Variants in FAAP100 observed in about 807,000 individuals in gnomAD.
FAAP100 encodes the protein Fanconi anemia core complex-associated protein 100.
A neutral mutation model predicts 65.8 loss-of-function variants in FAAP100; 46 were observed. That is an observed-to-expected ratio of 0.70 (90% CI 0.55 to 0.89). The LOEUF (loss-of-function observed/expected upper bound fraction) is 0.89, where lower values mean the gene tolerates loss of function less well. Among genes scored for constraint, FAAP100 ranks in the 40% least tolerant of loss-of-function variants. The pLI is 0.00. For synonymous variants in FAAP100, 663 were observed against 555.1 expected, an observed-to-expected ratio of 1.19 and a Z score of -2.73; for missense variants, 1,165 against 1,196.7, an observed-to-expected ratio of 0.97 and a Z score of 0.39.
At position 81,540,782 on chromosome 17, in the gene FAAP100, G is replaced by T. The variant is rs931282100; in HGVS notation, c.*37C>A. 4.7e-6 allele frequency: 7 copies of T among 1,479,978 alleles called. No individual in the cohort carries two copies. In the Admixed American group the frequency reaches 1.5e-4, roughly 33 times the overall value. The allele number at this position is 1,479,978 out of a possible 1,614,324, so 91.7% of individuals were successfully genotyped here. On this transcript the variant is annotated 3_prime_UTR_variant, in exon 9 of 9. Coordinates refer to ENST00000327787, the MANE Select transcript of FAAP100 (RefSeq NM_025161.6). The stretch of plus-strand genomic sequence containing the variant: ...GCCTGGGGGGGCTGTGACAGAGGCT[G>T]GAAGCGTGGCCAGAGCCCAGGGGCA...
rs773212986 is a variant in FAAP100, at chr17:81,550,825, G to A, written c.669C>T (p.Ala223=). ...GGSGGFTLED[A]LFGLLFGADA... ...CAGCTCCAAAGAGGAGCCCGAAGAG[G>A]GCGTCCTCCAGCGTGAAGCCCCCGG... Residue 223 remains alanine (A), a synonymous_variant, in exon 3 of 9, where the codon GCC becomes GCT. Coordinates refer to ENST00000327787, the MANE Select transcript of FAAP100 (RefSeq NM_025161.6). 2 of 1,612,350 alleles carry A rather than the reference G, an allele frequency of 1.2e-6. No homozygotes were observed. Among genetic ancestry groups the A allele is most frequent in the Non-Finnish European group, 1.7e-6 (2 of 1,179,744 alleles).
chr17:81,550,444 A>C lies in FAAP100; in HGVS notation c.1050T>G (p.Ala350=). The change falls in exon 3 of 9, where the codon GCT becomes GCG. Residue 350 remains alanine, a synonymous_variant. Transcript: ENST00000327787. ...ACACGCGGCCACCCCCGCCACAGGC[A>C]GCGCAGAGCACAGGGCCTGGGAGGC... ...EYCLPGPVLC[A]ACGGGGRVYH... The C allele has an allele frequency of 6.2e-7, 1 of 1,612,634 alleles. No individual in the cohort carries two copies.
Position 81,540,909 on chromosome 17 carries a change from G to T in FAAP100, c.2556C>A (p.Cys852Ter). Reference protein sequence around the residue: ...REVQTLRDRLCTEDEASSCAT... With the variant: ...REVQTLRDRL ...CACAGGAGCTGGCCTCATCCTCCGT[G>T]CAGAGCCGGTCGCGCAGGGTCTGCA... Residue 852 changes from cysteine (C) to a stop codon, truncating the protein, a stop_gained, in exon 9 of 9, where the codon TGC becomes TGA. Transcript: ENST00000327787. LOFTEE classifies it high-confidence loss of function. 2 of 1,591,468 alleles carry T rather than the reference G, an allele frequency of 1.3e-6. No homozygotes were observed. Among genetic ancestry groups the T allele is most frequent in the East Asian group, 2.3e-5 (1 of 44,224 alleles).
At position 81,552,059 on chromosome 17, in the gene FAAP100, A is replaced by G. The variant is rs1377500597; in HGVS notation, c.166-7T>C. 9.9e-6 allele frequency: 15 copies of G among 1,507,782 alleles called. 1 individual carries two copies. The South Asian group carries it at 1.9e-4, about 19-fold the overall frequency. 93.4% of individuals were successfully genotyped at this position (1,507,782 alleles called of 1,614,324 possible). ...CGGGGAACCGGAACGCCGCCTGCGG[A>G]CCGGGGCGCGGGTCAGGCCGACGCG... On this transcript the variant is annotated splice_region_variant and splice_polypyrimidine_tract_variant and intron_variant, in intron 1 of 8. Transcript: ENST00000327787.
intron 3 of FAAP100, 22 bp from the exon 4 acceptor site, chr17:81,549,384 G>A: frequency 6.3e-7 from 1 of 1,589,734 alleles, no homozygotes; most frequent in Non-Finnish European, 8.6e-7. Context: ...CACACATGGG[G>A]CCTGGTCAGC....
At chr17:81,541,454 CTTGG>C in intron 7 of FAAP100, 59 bp from the exon 8 acceptor site, 4 of 1,466,650 alleles carry the variant, frequency 2.7e-6, no homozygotes, top group African/African-American at 1.4e-5. Flanking sequence ...CCCCACACCC[CTTGG>C]AGCAGGGTGA....
Position 81,540,724 on chromosome 17 carries a change from C to A in FAAP100, c.*95G>T, listed in dbSNP as rs2033059056. 1.4e-6 allele frequency: 2 copies of A among 1,394,632 alleles called. No individual in the cohort carries two copies. Among genetic ancestry groups the A allele is most frequent in the Admixed American group, 3.0e-5 (1 of 32,810 alleles). The allele number at this position is 1,394,632 out of a possible 1,614,324, so 86.4% of individuals were successfully genotyped here. A position where few individuals can be genotyped will look rare whatever the true frequency, so the allele number is the denominator to read the frequency against. ...GTCCTACCTTCCCTGACGGCTCTGGCCAGGCCAGCTCGGTTTCCCTCTAAC... is the reference window on the plus strand; with the variant it reads ...GTCCTACCTTCCCTGACGGCTCTGGACAGGCCAGCTCGGTTTCCCTCTAAC... On this transcript the variant is annotated 3_prime_UTR_variant, in exon 9 of 9. Transcript: ENST00000327787.
rs780652871 is a variant in FAAP100 at position 81,545,794 on chromosome 17, G to A, written c.2262C>T (p.Ile754=). Residue 754 remains isoleucine (I), a synonymous_variant, in exon 6 of 9, where the codon ATC becomes ATT. Coordinates refer to ENST00000327787, the MANE Select transcript of FAAP100 (RefSeq NM_025161.6). Reference sequence around the variant, plus strand: ...TGGCGCCATCAGGGGCCACTCCCTGGATGGAAGATAGTGCTCGGGCCCTCA... The same window carrying A: ...TGGCGCCATCAGGGGCCACTCCCTGAATGGAAGATAGTGCTCGGGCCCTCA... ...DVVRARALSS[I]QGVAPDGANV... is the part of the protein sequence containing the mutation. 6 of 1,612,288 alleles carry A rather than the reference G, an allele frequency of 3.7e-6. No homozygotes were observed. The highest frequency in any genetic ancestry group is 1.3e-5 in the African/African-American group (1 of 74,920).
At chr17:81,545,084 C>G (rs1221065599) in intron 6 of FAAP100, among the ~76,000 whole-genome samples, 1 of 152,200 alleles carries the variant, frequency 6.6e-6, no homozygotes, top group East Asian at 1.9e-4. Flanking sequence ...GCAGGAGAAT[C>G]GCTTGAACCC....
chr17:81,547,371 G>C lies in FAAP100; in HGVS notation c.1711C>G (p.Gln571Glu). ...SAITYTIPVD[Q>E]LGPGARREVT... ...TCCCGCCGAGCACCGGGGCCGAGCT[G>C]GTCCACGGGGATGGTGTAGGTGATG... Residue 571 changes from glutamine to glutamate, a missense_variant, in exon 5 of 9, where the codon CAG becomes GAG. Physicochemically the swap from Gln to Glu is conservative, Grantham distance 29. Transcript: ENST00000327787. The C allele has an allele frequency of 6.2e-7, 1 of 1,612,892 alleles. No individual in the cohort carries two copies. The highest frequency in any genetic ancestry group is 8.5e-7 in the Non-Finnish European group (1 of 1,179,992).
intron 8 of FAAP100, 109 bp from the exon 9 acceptor site, chr17:81,541,059 T>C: frequency 7.3e-7 from 1 of 1,374,394 alleles, no homozygotes; most frequent in Non-Finnish European, 9.7e-7. Context: ...AAGTGGCAGG[T>C]GGTCCGAGGA....
In FAAP100 at chr17:81,547,769, TG is replaced by T. The variant is rs1568096661; in HGVS notation, c.1404-92del. ...ACTCAGGCCTGGTAGGCACCGAGCC[TG>T]GCTCCACGACAAGCACACGGTGGGT... On this transcript the variant is annotated intron_variant, in intron 4 of 8. Coordinates refer to ENST00000327787, the MANE Select transcript of FAAP100 (RefSeq NM_025161.6). The T allele has an allele frequency of 4.1e-6, 6 of 1,460,644 alleles. 1 individual carries two copies. The Admixed American group carries it at 1.0e-4, about 25-fold the overall frequency. 90.5% of individuals were successfully genotyped at this position (1,460,644 alleles called of 1,614,324 possible).
chr17:81,540,397 C>G lies in FAAP100; in HGVS notation c.*422G>C, dbSNP rs2033040823. ...GGTGCTCCTGGTGGTGTGGCAGCAACAGTTACAAACTCACCCCAAGTCCAA... is the reference window on the plus strand; with the variant it reads ...GGTGCTCCTGGTGGTGTGGCAGCAAGAGTTACAAACTCACCCCAAGTCCAA... On this transcript the variant is annotated 3_prime_UTR_variant, in exon 9 of 9. Coordinates refer to ENST00000327787, the MANE Select transcript of FAAP100 (RefSeq NM_025161.6). 7.5e-6 allele frequency: 3 copies of G among 401,938 alleles called. No homozygotes were observed. The highest frequency in any genetic ancestry group is 1.3e-5 in the Non-Finnish European group (3 of 227,992). The allele number at this position is 401,938 out of a possible 1,614,324, so 24.9% of individuals were successfully genotyped here. A position where few individuals can be genotyped will look rare whatever the true frequency, so the allele number is the denominator to read the frequency against.
chr17:81,551,682 G>T, intron 2 of FAAP100: 2 of 1,325,696 alleles, frequency 1.5e-6, no homozygotes, highest in Non-Finnish European at 1.9e-6. Flanking sequence ...GGGCCCAAAG[G>T]ACAGGATCCC....
chr17:81,549,992 G>A (rs767562040), intron 3 of FAAP100, among the ~76,000 whole-genome samples: 13 of 152,182 alleles, frequency 8.5e-5, no homozygotes, highest in Non-Finnish European at 1.6e-4. Flanking sequence ...CAAGTCCACA[G>A]CCAGCAAGCA....
intron 6 of FAAP100, among the ~76,000 whole-genome samples, 182 bp downstream of exon 6, chr17:81,545,560 GCCCT>G (rs2033268640): frequency 6.6e-6 from 1 of 152,204 alleles, no homozygotes; most frequent in Non-Finnish European, 1.5e-5. Flanking sequence ...GAGCTGCAAG[GCCCT>G]CCCTGCCTGA....
intron 4 of FAAP100, 127 bp from the exon 5 acceptor site, chr17:81,547,805 C>CA: frequency 8.1e-7 from 1 of 1,228,722 alleles, no homozygotes; most frequent in Non-Finnish European, 1.2e-6. Flanking sequence ...TGTGGAGCCA[C>CA]GCCAGAGAGT....
rs756636638 is a variant in FAAP100 at position 81,547,407 on chromosome 17, C to G, written c.1675G>C (p.Ala559Pro). ...ATGGTGTAGGTGATGGCGGAGCAGG[C>G]CGAGTCCAGGTCGAGAGCACAGGAG... is the stretch of plus-strand genomic sequence containing the variant. ...TSSCALDLDS[A>P]CSAITYTIPV... Residue 559 changes from alanine to proline, a missense_variant, in exon 5 of 9, where the codon GCC becomes CCC. Coordinates refer to ENST00000327787, the MANE Select transcript of FAAP100 (RefSeq NM_025161.6). The G allele has an allele frequency of 3.7e-6, 6 of 1,612,742 alleles. No homozygotes were observed. The African/African-American group carries it at 8.0e-5, about 22-fold the overall frequency.
In FAAP100 at chr17:81,547,481, C is replaced by A; in HGVS notation, c.1601G>T (p.Ser534Ile). 1 of 1,613,318 alleles carries A rather than the reference C, an allele frequency of 6.2e-7. No homozygotes were observed. ...MATCVLENSS[S>I]FSLDQGWTLC... ...GGTCCACCCCTGGTCCAGGCTGAAG[C>A]TGCTGCTGTTCTCTAGCACGCAGGT... Residue 534 changes from serine (S) to isoleucine (I), a missense_variant, in exon 5 of 9, where the codon AGC (serine) becomes ATC (isoleucine). Physicochemically the swap from Ser to Ile is moderately radical, Grantham distance 142. Transcript: ENST00000327787.
Sources: allele counts gnomAD v4.1 joint callset (sites outside exome capture counted in the v4.1 genomes callset), GRCh38; gene constraint gnomAD v4.1.1; transcripts MANE v1.5; gene names NCBI Gene and HGNC (gene_info 2026-07-23, HGNC 2026-07-21).